The following NELL2 variants were observed in gnomAD, a reference collection of about 807,000 sequenced individuals.
The protein encoded by NELL2 is neural EGFL like 2, also known as protein kinase C-binding protein NELL2.
NELL2 carries 41 observed loss-of-function variants against 109.6 expected under a neutral mutation model. The ratio of observed to expected loss-of-function variants is 0.37; its 90% CI spans 0.29 to 0.49. NELL2 has a LOEUF of 0.49. Ranked by LOEUF, NELL2 falls within the 20% of genes least tolerant of loss-of-function variation. The probability of loss-of-function intolerance (pLI) is 0.98; values close to 1 mark genes in which losing one functional copy is unlikely to be tolerated. For missense variants in NELL2, 900 were observed against 1,008.3 expected (o/e 0.89, Z 1.45); for synonymous variants, 355 against 344.7 (o/e 1.03, Z -0.33).
intron 15 of NELL2, among the ~76,000 whole-genome samples, chr12:44,570,951 G>A (rs933441889): frequency 3.9e-5 from 6 of 152,134 alleles, no homozygotes; most frequent in Non-Finnish European, 8.8e-5. Flanking sequence ...ATTTCAAGAC[G>A]GCTATGGAAG....
chr12:44,767,780 T>TA (rs1400763793), intron 9 of NELL2, among the ~76,000 whole-genome samples: 1 of 152,084 alleles, frequency 6.6e-6, no homozygotes, highest in East Asian at 1.9e-4. Context: ...TTACAATATA[T>TA]AAAAAGCCTA....
chr12:44,760,014 C>T (rs143700067), intron 9 of NELL2, among the ~76,000 whole-genome samples: 2 of 152,278 alleles, frequency 1.3e-5, no homozygotes, highest in East Asian at 3.9e-4. Flanking sequence ...TTTCTCTCTA[C>T]CTTAGGTTGG....
chr12:44,790,264 T>C (rs768442923), intron 3 of NELL2, among the ~76,000 whole-genome samples: 1 of 152,086 alleles, frequency 6.6e-6, no homozygotes, highest in Admixed American at 6.5e-5. Context: ...CCTATCAGAT[T>C]AACAGCAAAT....
At chr12:44,918,174 G>T (rs1205095398), upstream of NELL2, among the ~76,000 whole-genome samples, 1 of 152,104 alleles carries the variant, frequency 6.6e-6, no homozygotes, top group Non-Finnish European at 1.5e-5. Context: ...TATTAAATCT[G>T]GGGTGGTGGT....
chr12:44,761,791 TACTGCATGTTCTC>T (rs1941137464), intron 9 of NELL2, among the ~76,000 whole-genome samples: 1 of 152,090 alleles, frequency 6.6e-6, no homozygotes, highest in Non-Finnish European at 1.5e-5. Flanking sequence ...GAAAATCAAA[TACTGCATGTTCTC>T]ACTTATAAGT....
At chr12:44,767,776 T>G (rs1310298330) in intron 9 of NELL2, among the ~76,000 whole-genome samples, 1 of 152,102 alleles carries the variant, frequency 6.6e-6, no homozygotes, top group East Asian at 1.9e-4. Context: ...TCATTTACAA[T>G]ATATAAAAAG....
At chr12:44,704,039 C>T (rs1376128) in intron 11 of NELL2, among the ~76,000 whole-genome samples, 185 bp from the exon 12 acceptor site, 4,286 of 152,170 alleles carry the variant, frequency 0.028, 185 homozygotes, top group African/African-American at 0.095. Context: ...TTATGTTTAA[C>T]TCAATTAATT....
At chr12:44,650,021 C>T (rs779204684) in intron 13 of NELL2, among the ~76,000 whole-genome samples, 2 of 152,172 alleles carry the variant, frequency 1.3e-5, no homozygotes, top group Non-Finnish European at 2.9e-5. Flanking sequence ...TAATATCAGG[C>T]AAGCTAAAAC....
rs200925676 is a variant in NELL2 at position 44,590,905 on chromosome 12, A to AAAC, written c.1663+16263_1663+16264insGTT. Among the ~76,000 whole-genome samples the AAAC allele has an allele frequency of 6.0e-3, 917 of 152,130 alleles. 7 individuals carry two copies. The highest frequency in any genetic ancestry group is 0.021 in the African/African-American group (856 of 41,544). On this transcript the variant is annotated intron_variant, in intron 15 of 19. Coordinates refer to ENST00000429094, the MANE Select transcript of NELL2 (RefSeq NM_001145108.2). The stretch of plus-strand genomic sequence containing the variant: ...TTAATATGCAGAATATACAAAAAAA[A>AAAC]AAACCAACCTTGACTCAACAGAAAA...
chr12:44,775,557 TTGTATTCCAC>T (rs1941725417), intron 8 of NELL2, among the ~76,000 whole-genome samples: 1 of 152,212 alleles, frequency 6.6e-6, no homozygotes, highest in Admixed American at 6.5e-5. Flanking sequence ...ACTTTATAAT[TTGTATTCCAC>T]TGTATTAATA....
intron 12 of NELL2, among the ~76,000 whole-genome samples, chr12:44,686,275 T>C (rs1250072265): frequency 6.6e-6 from 1 of 152,228 alleles, no homozygotes; most frequent in Non-Finnish European, 1.5e-5. Context: ...TCAGCTCCTC[T>C]AAGCACTTCT....
At chr12:44,742,048 G>A (rs1263718189) in intron 9 of NELL2, among the ~76,000 whole-genome samples, 1 of 152,142 alleles carries the variant, frequency 6.6e-6, no homozygotes, top group Non-Finnish European at 1.5e-5. Context: ...AGCCTAACTG[G>A]GAGGCACCCC....
At chr12:44,527,966 CGCCTGTA>C (rs1470255715) in intron 16 of NELL2, among the ~76,000 whole-genome samples, 2 of 151,190 alleles carry the variant, frequency 1.3e-5, no homozygotes, top group African/African-American at 4.9e-5. Context: ...TGGTGGCGGG[CGCCTGTA>C]GTCCCAGCTA....
At chr12:44,561,922 G>C (rs1167700278) in intron 15 of NELL2, among the ~76,000 whole-genome samples, 1 of 151,984 alleles carries the variant, frequency 6.6e-6, no homozygotes, top group African/African-American at 2.4e-5. Context: ...TCAAACTACA[G>C]TACAAGACTA....
At chr12:44,523,887 A>C (rs1452002721) in intron 16 of NELL2, among the ~76,000 whole-genome samples, 2 of 152,188 alleles carry the variant, frequency 1.3e-5, no homozygotes, top group African/African-American at 4.8e-5. Flanking sequence ...TGGTGATTAT[A>C]GAAAAATCCC....
intron 9 of NELL2, among the ~76,000 whole-genome samples, chr12:44,762,103 A>T (rs1941151685): frequency 6.6e-6 from 1 of 152,162 alleles, no homozygotes; most frequent in South Asian, 2.1e-4. Flanking sequence ...ATGAAAAAAA[A>T]ATTCAACCAT....
chr12:44,875,607 A>T (rs759962097), intron 1 of NELL2: 1 of 1,611,624 alleles, frequency 6.2e-7, no homozygotes, highest in South Asian at 1.1e-5. Flanking sequence ...CAGCCCTCCG[A>T]CCCTGGACTA....
rs140121857 is a variant in NELL2, at chr12:44,750,090, C to A, written c.994+24657G>T. On this transcript the variant is annotated intron_variant, in intron 9 of 19. Coordinates refer to ENST00000429094, the MANE Select transcript of NELL2 (RefSeq NM_001145108.2). The stretch of plus-strand genomic sequence containing the variant: ...AAGCTCATTGCAATAAGAAAAGTCC[C>A]CTCCTCTGCAAAGGTTGGAACTAGA... Among the ~76,000 whole-genome samples, 316 of 152,084 alleles carry A rather than the reference C, an allele frequency of 2.1e-3. 2 individuals carry two copies. The highest frequency in any genetic ancestry group is 7.4e-3 in the African/African-American group (306 of 41,498).
chr12:44,581,824 G>C (rs1312009160), intron 15 of NELL2, among the ~76,000 whole-genome samples: 1 of 152,078 alleles, frequency 6.6e-6, no homozygotes, highest in African/African-American at 2.4e-5. Context: ...AGTTTTGATT[G>C]TGGGCAAAGG....
Sources: gnomAD v4.1 joint callset for allele counts (sites outside exome capture counted in the v4.1 genomes callset) on GRCh38, gnomAD v4.1.1 for gene constraint, MANE v1.5 for transcripts, NCBI Gene and HGNC (gene_info 2026-07-23, HGNC 2026-07-21) for gene names.